The following ARID4A variants were observed in gnomAD, a reference collection of about 807,000 sequenced individuals.
The protein encoded by ARID4A is AT-rich interaction domain 4A, also known as AT-rich interactive domain-containing protein 4A.
ARID4A carries 39 observed loss-of-function variants against 148.6 expected under a neutral mutation model. The observed-to-expected ratio is 0.26, with a 90% CI of 0.20 to 0.34. The LOEUF is 0.34. Among genes scored for constraint, ARID4A ranks in the 10% least tolerant of loss-of-function variants. The probability of loss-of-function intolerance (pLI) is 1.00; values close to 1 mark genes in which losing one functional copy is unlikely to be tolerated. For synonymous variants in ARID4A, 475 were observed against 481.2 expected (o/e 0.99, Z 0.17); for missense variants, 1,265 against 1,449.1 (o/e 0.87, Z 2.06).
chr14:58,340,233 C>T (rs1372551918), intron 11 of ARID4A, among the ~76,000 whole-genome samples: 1 of 152,004 alleles, frequency 6.6e-6, no homozygotes, highest in East Asian at 1.9e-4. Context: ...ACTTCTTCTT[C>T]TTCTTTTTTG....
At position 58,299,506 on chromosome 14, in the gene ARID4A, G is replaced by T. The variant is rs555037470; in HGVS notation, c.-57-292G>T. ...CCGAAGGGAGCTCTGGCCTTTTCCG[G>T]AGCTATCTGTCCTGGAGCTCCGAGT... On this transcript the variant is annotated intron_variant, in intron 1 of 23. Transcript: ENST00000355431. The T allele has an allele frequency of 2.1e-5, 6 of 279,928 alleles. No homozygotes were observed. In the East Asian group the frequency reaches 3.8e-4, roughly 18 times the overall value. 17.3% of individuals were successfully genotyped at this position (279,928 alleles called of 1,614,324 possible). A position where few individuals can be genotyped will look rare whatever the true frequency, so the allele number is the denominator to read the frequency against.
intron 7 of ARID4A, among the ~76,000 whole-genome samples, chr14:58,322,980 A>T (rs550489986): frequency 0.015 from 1,723 of 114,046 alleles, 31 homozygotes; most frequent in Admixed American, 0.037. Context: ...AAAAAAAAAA[A>T]ATATATATAT....
chr14:58,362,071 T>C (rs1233605069), intron 19 of ARID4A, among the ~76,000 whole-genome samples: 1 of 152,164 alleles, frequency 6.6e-6, no homozygotes, highest in Non-Finnish European at 1.5e-5. Context: ...AATCCATGCA[T>C]CCTAATGTGT....
intron 11 of ARID4A, among the ~76,000 whole-genome samples, chr14:58,342,928 C>T (rs537774143): frequency 6.6e-6 from 1 of 151,764 alleles, no homozygotes; most frequent in Non-Finnish European, 1.5e-5. Context: ...AAAAAAAATA[C>T]TGGAATGAAG....
At chr14:58,362,751 T>A (rs1329906621) in intron 19 of ARID4A, among the ~76,000 whole-genome samples, 1 of 151,850 alleles carries the variant, frequency 6.6e-6, no homozygotes, top group African/African-American at 2.4e-5. Flanking sequence ...AGCAATAGGG[T>A]TTTACTATGT....
chr14:58,348,767 C>T (rs563883619), intron 15 of ARID4A, among the ~76,000 whole-genome samples: 6 of 152,204 alleles, frequency 3.9e-5, no homozygotes, highest in African/African-American at 1.2e-4. Flanking sequence ...GTTTTCAAAA[C>T]TTCCTTCATG....
At chr14:58,371,510 C>G (rs2035613684) in intron 23 of ARID4A, among the ~76,000 whole-genome samples, 1 of 152,136 alleles carries the variant, frequency 6.6e-6, no homozygotes, top group South Asian at 2.1e-4. Context: ...AATTAATTCT[C>G]TTACGGTCCT....
intron 3 of ARID4A, chr14:58,303,621 A>G (rs1249861871): frequency 2.2e-6 from 1 of 453,138 alleles, no homozygotes; most frequent in Non-Finnish European, 4.7e-6. Context: ...GTGGACCCTC[A>G]AAATTTGTTG....
intron 19 of ARID4A, among the ~76,000 whole-genome samples, chr14:58,363,440 C>CT (rs1235290347): frequency 6.6e-6 from 1 of 152,142 alleles, no homozygotes; most frequent in East Asian, 1.9e-4. Context: ...TGGCTCATGC[C>CT]TATAATCCCA....
At chr14:58,305,300 A>G (rs10151525) in intron 4 of ARID4A, among the ~76,000 whole-genome samples, 15,983 of 152,070 alleles carry the variant, frequency 0.11, 1,260 homozygotes, top group African/African-American at 0.22. Flanking sequence ...TGTTTTTCAC[A>G]TTGTTGCTGT....
At chr14:58,365,696 A>C in intron 21 of ARID4A, 74 bp downstream of exon 21, 1 of 1,249,966 alleles carries the variant, frequency 8.0e-7, no homozygotes, top group South Asian at 1.3e-5. Context: ...TTTAAACATA[A>C]ATGGAGCAAT....
chr14:58,349,090 T>C (rs1248714249), intron 15 of ARID4A, among the ~76,000 whole-genome samples: 1 of 152,206 alleles, frequency 6.6e-6, no homozygotes, highest in Non-Finnish European at 1.5e-5. Flanking sequence ...TACTTTTATA[T>C]AAGTGAAATC....
chr14:58,359,673 A>G (rs935177650), intron 18 of ARID4A, among the ~76,000 whole-genome samples: 2 of 152,180 alleles, frequency 1.3e-5, no homozygotes, highest in Non-Finnish European at 2.9e-5. Flanking sequence ...TGAGAATATC[A>G]TATAATTGGA....
intron 11 of ARID4A, among the ~76,000 whole-genome samples, chr14:58,340,267 C>T (rs1348122551): frequency 6.6e-6 from 1 of 152,008 alleles, no homozygotes; most frequent in Non-Finnish European, 1.5e-5. Context: ...CTCGTTTTGC[C>T]CAGGCTGGAG....
intron 12 of ARID4A, among the ~76,000 whole-genome samples, chr14:58,345,317 AC>A (rs2034307104): frequency 6.6e-6 from 1 of 152,240 alleles, no homozygotes; most frequent in African/African-American, 2.4e-5. Context: ...CCTGTCACTT[AC>A]AAAGCTAAAG....
At chr14:58,301,363 A>C (rs1481114949) in intron 2 of ARID4A, among the ~76,000 whole-genome samples, 2 of 152,230 alleles carry the variant, frequency 1.3e-5, no homozygotes, top group Non-Finnish European at 2.9e-5. Flanking sequence ...ATAATTTTGA[A>C]TTACAACTTT....
intron 19 of ARID4A, among the ~76,000 whole-genome samples, chr14:58,361,712 G>A (rs1385844671): frequency 1.3e-5 from 2 of 152,166 alleles, no homozygotes; most frequent in Non-Finnish European, 2.9e-5. Context: ...TCATTAAAAG[G>A]TTACCCGTAC....
At chr14:58,318,500 A>G (rs773430368) in intron 5 of ARID4A, 42 bp from the exon 6 acceptor site, 31 of 1,564,792 alleles carry the variant, frequency 2.0e-5, no homozygotes, top group South Asian at 1.0e-4. Flanking sequence ...TTTTTATTTC[A>G]TTAGTGTGCA....
intron 15 of ARID4A, among the ~76,000 whole-genome samples, chr14:58,350,232 T>C (rs1424005899): frequency 6.6e-6 from 1 of 152,086 alleles, no homozygotes; most frequent in Non-Finnish European, 1.5e-5. Context: ...AATTAATTTC[T>C]TCTTTTTCTG....
Sources: allele counts gnomAD v4.1 joint callset (sites outside exome capture counted in the v4.1 genomes callset), GRCh38; gene constraint gnomAD v4.1.1; transcripts MANE v1.5; gene names NCBI Gene and HGNC (gene_info 2026-07-23, HGNC 2026-07-21).